Variants in RPGRIP1 observed in about 807,000 individuals in gnomAD.
RPGRIP1 encodes RPGR interacting protein 1, also known as X-linked retinitis pigmentosa GTPase regulator-interacting protein 1.
RPGRIP1 carries 128 observed loss-of-function variants against 157.9 expected under a neutral mutation model. The observed-to-expected ratio is 0.81, with a 90% confidence interval of 0.70 to 0.94. The LOEUF is 0.94. RPGRIP1 is among the 40% of genes least tolerant of loss of function. The probability of loss-of-function intolerance (pLI) is 0.00; values close to 1 mark genes in which losing one functional copy is unlikely to be tolerated. For missense variants in RPGRIP1, 1,486 were observed against 1,545.8 expected, an observed-to-expected ratio of 0.96 and a Z score of 0.65; for synonymous variants, 554 against 571.6, an observed-to-expected ratio of 0.97 and a Z score of 0.44.
At chr14:21,310,857 C>G (rs1437318899) in intron 8 of RPGRIP1, 1 of 674,574 alleles carries the variant, frequency 1.5e-6, no homozygotes, top group East Asian at 3.0e-5. Context: ...TATTTTTAAG[C>G]CTATTGCTGG....
At position 21,319,360 on chromosome 14, in the gene RPGRIP1, C is replaced by T; in HGVS notation, c.1307-657C>T. On this transcript the variant is annotated intron_variant, in intron 11 of 24. Coordinates refer to ENST00000400017, the MANE Select transcript of RPGRIP1 (RefSeq NM_020366.4). ...GCAGATCACATGAGGCCAGGAGTTT[C>T]AGACCAGCCTGGCCAACATGGTGAA... 1.3e-5 allele frequency among the ~76,000 whole-genome samples: 2 copies of T among 152,192 alleles called. 1 individual carries two copies. Among genetic ancestry groups the T allele is most frequent in the South Asian group, 4.2e-4 (2 of 4,816 alleles).
At position 21,330,749 on chromosome 14, in the gene RPGRIP1, A is replaced by C. The variant is rs949886398; in HGVS notation, c.3238+362A>C. 5.3e-5 allele frequency among the ~76,000 whole-genome samples: 8 copies of C among 152,218 alleles called. No individual in the cohort carries two copies. In the East Asian group the frequency reaches 1.5e-3, roughly 29 times the overall value. On this transcript the variant is annotated intron_variant, in intron 20 of 24. Coordinates refer to ENST00000400017, the MANE Select transcript of RPGRIP1 (RefSeq NM_020366.4). ...AGCTAGTTATTTACTTTTCTCCTTC[A>C]CCTTAGAATGCTAAAGTTTTCATGG...
rs1886237600 is a variant in RPGRIP1 at position 21,351,124 on chromosome 14, G to C, written c.3769G>C (p.Ala1257Pro). Residue 1257 changes from alanine (A) to proline (P), a missense_variant, in exon 25 of 25, where the codon GCT (alanine) becomes CCT (proline). By Grantham distance (27) the Ala-to-Pro change is conservative (BLOSUM62 -1). Coordinates refer to ENST00000400017, the MANE Select transcript of RPGRIP1 (RefSeq NM_020366.4). ...AACAGTTGTTAGCCCTGAAGATCTG[G>C]CTACCCCAATAGGAAGGCTGAAGGT... is the stretch of plus-strand genomic sequence containing the variant. Reference protein sequence around the residue: ...ELDIVSPEDLATPIGRLKVSL... With the variant: ...ELDIVSPEDLPTPIGRLKVSL... 7 of 1,610,794 alleles carry C rather than the reference G, an allele frequency of 4.3e-6. No homozygotes were observed. The highest frequency in any genetic ancestry group is 5.9e-6 in the Non-Finnish European group (7 of 1,178,120).
chr14:21,294,580 A>G, intron 2 of RPGRIP1, 97 bp from the exon 3 acceptor site: 1 of 1,229,526 alleles, frequency 8.1e-7, no homozygotes, highest in Non-Finnish European at 1.2e-6. Context: ...GACTCAAGAT[A>G]GATTTATGCT....
chr14:21,308,378 C>T (rs1881404553), intron 7 of RPGRIP1, among the ~76,000 whole-genome samples: 1 of 152,134 alleles, frequency 6.6e-6, no homozygotes, highest in Non-Finnish European at 1.5e-5. Context: ...TTTTATTGAA[C>T]AAATATTTAT....
chr14:21,322,288 G>T (rs1432723990), intron 14 of RPGRIP1, among the ~76,000 whole-genome samples: 2 of 152,070 alleles, frequency 1.3e-5, no homozygotes, highest in Admixed American at 1.3e-4. Flanking sequence ...CTCCCAAGTA[G>T]CTGGGATGAC....
intron 10 of RPGRIP1, among the ~76,000 whole-genome samples, chr14:21,316,198 C>T (rs1881797857): frequency 1.3e-5 from 2 of 151,870 alleles, no homozygotes; most frequent in Admixed American, 6.6e-5. Context: ...AGGCTGATCA[C>T]CAACTCCTGA....
chr14:21,287,168 C>A (rs1419511379), intron 1 of RPGRIP1, among the ~76,000 whole-genome samples: 2 of 152,162 alleles, frequency 1.3e-5, no homozygotes, highest in South Asian at 4.1e-4. Context: ...GAGGCCGAGG[C>A]GGGCAGATCA....
At chr14:21,332,675 A>G (rs1395241748) in intron 20 of RPGRIP1, among the ~76,000 whole-genome samples, 2 of 152,218 alleles carry the variant, frequency 1.3e-5, no homozygotes, top group Non-Finnish European at 2.9e-5. Flanking sequence ...AATGTGAAAT[A>G]TGGGACCAGA....
intron 8 of RPGRIP1, 120 bp from the exon 9 acceptor site, chr14:21,311,704 G>C (rs1005071110): frequency 4.0e-6 from 3 of 740,758 alleles, no homozygotes; most frequent in Admixed American, 6.3e-5. Context: ...AAGGTAATAA[G>C]CTATTAATCA....
chr14:21,289,866 T>A (rs1409866526), intron 2 of RPGRIP1, among the ~76,000 whole-genome samples: 2 of 72,090 alleles, frequency 2.8e-5, no homozygotes, highest in Non-Finnish European at 6.1e-5. Context: ...CATAGCAGTA[T>A]TTTTTTTTGA....
chr14:21,325,490 A>G (rs1882984789), intron 16 of RPGRIP1, 107 bp downstream of exon 16: 3 of 1,099,716 alleles, frequency 2.7e-6, no homozygotes, highest in African/African-American at 3.2e-5. Context: ...ATGTGAATGA[A>G]AGAGAAAACT....
At chr14:21,346,640 C>T (rs1885602895) in intron 23 of RPGRIP1, among the ~76,000 whole-genome samples, 1 of 152,102 alleles carries the variant, frequency 6.6e-6, no homozygotes, top group African/African-American at 2.4e-5. Flanking sequence ...TTATCCATAC[C>T]GCCTGTGCAT....
chr14:21,313,662 C>T (rs1881638952), intron 10 of RPGRIP1, among the ~76,000 whole-genome samples: 1 of 151,866 alleles, frequency 6.6e-6, no homozygotes, highest in African/African-American at 2.4e-5. Flanking sequence ...GTAGCGCGCA[C>T]TTGTAATCCC....
At chr14:21,299,707 C>A (rs1880941820) in intron 3 of RPGRIP1, among the ~76,000 whole-genome samples, 2 of 152,186 alleles carry the variant, frequency 1.3e-5, no homozygotes, top group Non-Finnish European at 2.9e-5. Flanking sequence ...GCCAAAGCTA[C>A]AGTTAGTAAA....
At chr14:21,341,739 G>A (rs989342654) in intron 21 of RPGRIP1, among the ~76,000 whole-genome samples, 4 of 152,248 alleles carry the variant, frequency 2.6e-5, no homozygotes, top group South Asian at 2.1e-4. Context: ...TGATGGCAGC[G>A]ACTGTGAAGT....
In RPGRIP1 at chr14:21,345,529, A is replaced by G. The variant is rs111530896; in HGVS notation, c.3617+332A>G. 2.2e-3 allele frequency among the ~76,000 whole-genome samples: 332 copies of G among 149,690 alleles called. 1 individual carries two copies. Among genetic ancestry groups the G allele is most frequent in the African/African-American group, 7.7e-3 (316 of 41,054 alleles). On this transcript the variant is annotated intron_variant, in intron 23 of 24. Transcript: ENST00000400017. ...GGGATTCTTGTGCCTCTGCCTCCCA[A>G]GTAGCTAGGGTTATAGGCATGTGCC...
chr14:21,318,410 C>T (rs922190218), intron 11 of RPGRIP1, among the ~76,000 whole-genome samples: 25 of 151,972 alleles, frequency 1.6e-4, no homozygotes, highest in Non-Finnish European at 2.9e-5. Flanking sequence ...CTGTGCCCGA[C>T]CTGCCAGTTT....
intron 14 of RPGRIP1, among the ~76,000 whole-genome samples, chr14:21,323,313 T>C (rs916864638): frequency 2.0e-5 from 3 of 151,876 alleles, no homozygotes; most frequent in African/African-American, 4.8e-5. Context: ...CCCCAGATAC[T>C]TAGGAGGCTG....
Sources: allele counts gnomAD v4.1 joint callset (sites outside exome capture counted in the v4.1 genomes callset), GRCh38; gene constraint gnomAD v4.1.1; transcripts MANE v1.5; gene names NCBI Gene and HGNC (gene_info 2026-07-23, HGNC 2026-07-21).